PIWIL1: variants seen among roughly 807,000 people sequenced by gnomAD.
The protein encoded by PIWIL1 is piwi-like protein 1.
A neutral mutation model predicts 114.4 loss-of-function variants in PIWIL1; 73 were observed. The ratio of observed to expected loss-of-function variants is 0.64; its 90% CI spans 0.53 to 0.78. The LOEUF is 0.78. Ranked by LOEUF, PIWIL1 falls within the 30% of genes least tolerant of loss-of-function variation. PIWIL1 has a pLI of 0.00. For missense variants in PIWIL1, 723 were observed against 1,063.1 expected, an observed-to-expected ratio of 0.68 and a Z score of 4.45; for synonymous variants, 375 against 369.0, an observed-to-expected ratio of 1.02 and a Z score of -0.19.
the PIWIL1 span, among the ~76,000 whole-genome samples, chr12:130,418,052 A>G: frequency 2.6e-5 from 4 of 152,228 alleles, no homozygotes; most frequent in Non-Finnish European, 4.4e-5. Flanking sequence ...TGACACAGGT[A>G]TGCAGAAGAG....
chr12:130,424,258 C>G, the PIWIL1 span: 70 of 1,231,714 alleles, frequency 5.7e-5, no homozygotes, highest in Admixed American at 1.7e-4. The surrounding 1 kb of genome is among the most constrained non-coding windows in gnomAD (Gnocchi z 9.8). Flanking sequence ...TCGGTGGGCT[C>G]GCCCCAGCCG....
At chr12:130,416,546 T>C in the PIWIL1 span, among the ~76,000 whole-genome samples, 1 of 152,222 alleles carries the variant, frequency 6.6e-6, no homozygotes, top group Non-Finnish European at 1.5e-5. Flanking sequence ...ACTGGACTCC[T>C]ACCTTTTACC....
chr12:130,368,249 C>A (rs2073724586), intron 19 of PIWIL1, among the ~76,000 whole-genome samples: 1 of 152,168 alleles, frequency 6.6e-6, no homozygotes, highest in African/African-American at 2.4e-5. Flanking sequence ...TTCTGTTTTT[C>A]TATGTAGGTG....
chr12:130,395,654 C>A, the PIWIL1 span, among the ~76,000 whole-genome samples: 1 of 152,110 alleles, frequency 6.6e-6, no homozygotes, highest in Non-Finnish European at 1.5e-5. Context: ...ATTATAGGTT[C>A]ATGAAATTAT....
At chr12:130,397,441 T>C in the PIWIL1 span, 5 of 398,966 alleles carry the variant, frequency 1.3e-5, no homozygotes, top group African/African-American at 4.1e-5. Flanking sequence ...GACATTTCCC[T>C]GCCTCTCCCA....
At chr12:130,365,318 G>A (rs373200211) in intron 18 of PIWIL1, among the ~76,000 whole-genome samples, 78 of 152,320 alleles carry the variant, frequency 5.1e-4, no homozygotes, top group African/African-American at 1.8e-3. Flanking sequence ...AGCTTCGTTT[G>A]TAGAAGAAGG....
intron 9 of PIWIL1, 47 bp from the exon 10 acceptor site, chr12:130,354,490 A>G (rs2073306702): frequency 6.2e-7 from 1 of 1,612,292 alleles, no homozygotes. Context: ...CTGAGATGCT[A>G]CTCGAGGCAT....
chr12:130,394,021 G>C, the PIWIL1 span, among the ~76,000 whole-genome samples: 1 of 152,172 alleles, frequency 6.6e-6, no homozygotes, highest in Non-Finnish European at 1.5e-5. Flanking sequence ...GACGTCTTTG[G>C]GGTAAGGTTC....
At chr12:130,405,953 T>A in the PIWIL1 span, among the ~76,000 whole-genome samples, 1 of 152,186 alleles carries the variant, frequency 6.6e-6, no homozygotes, top group African/African-American at 2.4e-5. Flanking sequence ...AAAACACTAG[T>A]ATTAGCAAGG....
chr12:130,345,143 G>T (rs1043578581), intron 3 of PIWIL1, among the ~76,000 whole-genome samples: 1 of 152,206 alleles, frequency 6.6e-6, no homozygotes. Flanking sequence ...ACCACAGCTT[G>T]TAGCACTAAG....
chr12:130,365,504 C>T (rs536380775), intron 18 of PIWIL1, among the ~76,000 whole-genome samples: 1 of 152,266 alleles, frequency 6.6e-6, no homozygotes, highest in South Asian at 2.1e-4. Flanking sequence ...AAAGTTTGGA[C>T]TTCAATGTTT....
At chr12:130,424,456 C>T in the PIWIL1 span, 2 of 1,232,068 alleles carry the variant, frequency 1.6e-6, no homozygotes, top group African/African-American at 3.1e-5. This position sits in a 1 kb window ranked among gnomAD's most constrained non-coding sequence, Gnocchi z 9.8. Flanking sequence ...CTGCACGCGG[C>T]CACGGTGTTT....
At chr12:130,426,195 G>C in the PIWIL1 span, 1 of 152,348 alleles carries the variant, frequency 6.6e-6, no homozygotes, top group Middle Eastern at 3.4e-3. Context: ...ACGTGAGAAC[G>C]TGTGCGCTGA....
At chr12:130,365,621 GCAAGAA>G (rs1459941826) in intron 18 of PIWIL1, among the ~76,000 whole-genome samples, 1 of 152,174 alleles carries the variant, frequency 6.6e-6, no homozygotes, top group African/African-American at 2.4e-5. Context: ...ACTGTTTGAT[GCAAGAA>G]CAAATCAGAA....
chr12:130,416,380 C>G, the PIWIL1 span, among the ~76,000 whole-genome samples: 138 of 152,256 alleles, frequency 9.1e-4, no homozygotes, highest in African/African-American at 3.0e-3. Flanking sequence ...AACAGACACA[C>G]AGACTAATGG....
At chr12:130,362,120 T>TGAC (rs1260260151) in intron 16 of PIWIL1, among the ~76,000 whole-genome samples, 1 of 152,246 alleles carries the variant, frequency 6.6e-6, no homozygotes, top group African/African-American at 2.4e-5. Context: ...GCAGGTTTGT[T>TGAC]ACATAGGTAA....
At chr12:130,405,902 A>C in the PIWIL1 span, among the ~76,000 whole-genome samples, 1 of 152,250 alleles carries the variant, frequency 6.6e-6, no homozygotes, top group Non-Finnish European at 1.5e-5. Context: ...AAAAAATAAG[A>C]ATATGAATGT....
chr12:130,380,690 T>G, the PIWIL1 span, among the ~76,000 whole-genome samples: 3,525 of 152,344 alleles, frequency 0.023, 80 homozygotes, highest in Admixed American at 0.061. Context: ...TGCCCTGGGT[T>G]GTCTTCCCCA....
chr12:130,417,344 C>T, the PIWIL1 span, among the ~76,000 whole-genome samples: 3 of 152,208 alleles, frequency 2.0e-5, no homozygotes, highest in Non-Finnish European at 4.4e-5. Context: ...AACCTAGATG[C>T]TCATCAACAG....
Sources: gnomAD v4.1 joint callset for allele counts (sites outside exome capture counted in the v4.1 genomes callset) on GRCh38, gnomAD v4.1.1 for gene constraint, Gnocchi (gnomAD v3.1) non-coding constraint, MANE v1.5 for transcripts, NCBI Gene and HGNC (gene_info 2026-07-23, HGNC 2026-07-21) for gene names.